Variants in FADS3 observed in about 807,000 individuals in gnomAD.
The protein encoded by FADS3 is fatty acid desaturase 3.
A neutral mutation model predicts 60.4 loss-of-function variants in FADS3; 30 were observed. The observed-to-expected ratio is 0.50, with a 90% CI of 0.37 to 0.67. The LOEUF is 0.67. Among genes scored for constraint, FADS3 ranks in the 30% least tolerant of loss-of-function variants. FADS3 has a pLI of 0.00. For missense variants in FADS3, 432 were observed against 598.3 expected (o/e 0.72, Z 2.90); for synonymous variants, 234 against 249.3 (o/e 0.94, Z 0.58).
rs369897424 is a variant in FADS3, at chr11:61,878,894, G to A, written c.523-47C>T. The A allele has an allele frequency of 6.6e-5, 104 of 1,567,070 alleles. No homozygotes were observed. The African/African-American group carries it at 1.1e-3, about 16-fold the overall frequency. ...GAAGCTGTTGGGAAGGACGGAGCCCGCCAGGGCCTGGGGCCCCAGTGAATC... is the reference window on the plus strand; with the variant it reads ...GAAGCTGTTGGGAAGGACGGAGCCCACCAGGGCCTGGGGCCCCAGTGAATC... On this transcript the variant is annotated intron_variant, in intron 3 of 11. Transcript: ENST00000278829.
rs765702151 is a variant in FADS3 at position 61,879,488 on chromosome 11, G to C, written c.346C>G (p.Arg116Gly). The C allele has an allele frequency of 3.1e-6, 5 of 1,590,954 alleles. No homozygotes were observed. The change falls in exon 3 of 12, where the codon CGA becomes GGA. Residue 116 changes from arginine to glycine, a missense_variant. By Grantham distance (125) the Arg-to-Gly change is moderately radical. Transcript: ENST00000278829. Reference sequence around the variant, plus strand: ...TCCTCGGCTGCCTGGTGCAGGGCTCGGAAGTCCTCGACCAGCTGCGCCTGC... The same window carrying C: ...TCCTCGGCTGCCTGGTGCAGGGCTCCGAAGTCCTCGACCAGCTGCGCCTGC... ...PLNAQLVEDF[R>G]ALHQAAEDMK...
chr11:61,886,903 G>A (rs1591201398), intron 1 of FADS3, among the ~76,000 whole-genome samples: 1 of 152,296 alleles, frequency 6.6e-6, no homozygotes, highest in East Asian at 1.9e-4. Context: ...CCACCTAGAA[G>A]GAGGGTCCTA....
In FADS3 at chr11:61,891,190, G is replaced by T; in HGVS notation, c.192C>A (p.His64Gln). ...RHPGGSRLIG[H>Q]HGAEDATDAF... ...TTACCGTGGCGTCCTCAGCGCCGTG[G>T]TGGCCGATGAGGCGGCTGCCCCCTG... is the stretch of plus-strand genomic sequence containing the variant. Residue 64 changes from histidine to glutamine, a missense_variant, in exon 1 of 12, where the codon CAC becomes CAA. Physicochemically the swap from His to Gln is conservative, Grantham distance 24. Around this residue, in one of 5 missense-constraint regions of FADS3, gnomAD observed 167 missense variants for 188.8 expected, o/e 0.88. Transcript: ENST00000278829. 1 of 1,563,456 alleles carries T rather than the reference G, an allele frequency of 6.4e-7. No homozygotes were observed. Among genetic ancestry groups the T allele is most frequent in the Non-Finnish European group, 8.7e-7 (1 of 1,154,100 alleles).
chr11:61,887,833 A>G (rs1000778), intron 1 of FADS3, among the ~76,000 whole-genome samples: 90,839 of 152,124 alleles, frequency 0.6, 30,179 homozygotes, highest in Non-Finnish European at 0.75. Flanking sequence ...GCATGCCCTT[A>G]AGAACATGGC....
intron 1 of FADS3, among the ~76,000 whole-genome samples, chr11:61,888,812 C>G (rs1004033740): frequency 6.6e-6 from 1 of 152,180 alleles, no homozygotes; most frequent in Non-Finnish European, 1.5e-5. Flanking sequence ...AACTGGGGCA[C>G]AGAGGAGTGA....
chr11:61,877,240 C>T lies in FADS3; in HGVS notation c.885+271G>A. 1 of 513,300 alleles carries T rather than the reference C, an allele frequency of 1.9e-6. No individual in the cohort carries two copies. Among genetic ancestry groups the T allele is most frequent in the Non-Finnish European group, 3.5e-6 (1 of 284,296 alleles). The allele number at this position is 513,300 out of a possible 1,614,324, so 31.8% of individuals were successfully genotyped here. ...ACACAGATGCCTGGCAGAGTCAGCC[C>T]AGCAACTCCTCCTGGGAAGACACCC... On this transcript the variant is annotated intron_variant, in intron 7 of 11. Transcript: ENST00000278829. This position sits in a 1 kb window ranked among gnomAD's most constrained non-coding sequence, Gnocchi z 4.7.
At chr11:61,874,074 C>T (rs763045708) in intron 11 of FADS3, among the ~76,000 whole-genome samples, 23 of 152,290 alleles carry the variant, frequency 1.5e-4, no homozygotes, top group African/African-American at 3.6e-4. Context: ...ACCGGGGTGA[C>T]GGGTGTCGGG....
In FADS3 at chr11:61,883,151, C is replaced by G. The variant is rs142801585; in HGVS notation, c.214-3000G>C. Among the ~76,000 whole-genome samples, 534 of 152,322 alleles carry G rather than the reference C, an allele frequency of 3.5e-3. 5 individuals carry two copies. Among genetic ancestry groups the G allele is most frequent in the African/African-American group, 0.012 (505 of 41,550 alleles). Reference sequence around the variant, plus strand: ...GTCCAACCATCACCATCATCCAGCTCCAGAACCTTTTCACCTTCCCCAACT... The same window carrying G: ...GTCCAACCATCACCATCATCCAGCTGCAGAACCTTTTCACCTTCCCCAACT... On this transcript the variant is annotated intron_variant, in intron 1 of 11. Transcript: ENST00000278829.
chr11:61,888,240 G>A (rs1938379044), intron 1 of FADS3, among the ~76,000 whole-genome samples: 1 of 152,246 alleles, frequency 6.6e-6, no homozygotes, highest in African/African-American at 2.4e-5. Context: ...CTGGCAGGAA[G>A]GCTTCATTGC....
chr11:61,878,297 G>T, intron 5 of FADS3, 82 bp from the exon 6 acceptor site: 2 of 1,496,072 alleles, frequency 1.3e-6, no homozygotes, highest in Non-Finnish European at 1.9e-6. Context: ...GCTGGCTGGG[G>T]CCAAGGGTCA....
In FADS3 at chr11:61,878,766, A is replaced by G. The variant is rs1361252960; in HGVS notation, c.604T>C (p.Phe202Leu). 13 of 1,613,934 alleles carry G rather than the reference A, an allele frequency of 8.1e-6. No homozygotes were observed. Among genetic ancestry groups the G allele is most frequent in the Non-Finnish European group, 1.1e-5 (13 of 1,179,990 alleles). ...CTCACCTTTAGCTGCCCCATCACGAACTTCTGGGCCACGTGGTTCCACCAG... is the reference window on the plus strand; with the variant it reads ...CTCACCTTTAGCTGCCCCATCACGAGCTTCTGGGCCACGTGGTTCCACCAG... ...KSWWNHVAQKFVMGQLKGFSA... is the reference protein window; with the variant it reads ...KSWWNHVAQKLVMGQLKGFSA... The change falls in exon 4 of 12, where the codon TTC (phenylalanine) becomes CTC (leucine). Residue 202 changes from phenylalanine (F) to leucine (L), a missense_variant. Transcript: ENST00000278829.
chr11:61,883,829 C>G (rs1206429433), intron 1 of FADS3, among the ~76,000 whole-genome samples: 1 of 152,246 alleles, frequency 6.6e-6, no homozygotes, highest in Non-Finnish European at 1.5e-5. Flanking sequence ...GGCCTTCAAG[C>G]CAGATCTACC....
At chr11:61,878,450 T>C (rs577254441) in intron 5 of FADS3, 62 bp downstream of exon 5, 1 of 1,585,476 alleles carries the variant, frequency 6.3e-7, no homozygotes, top group Admixed American at 1.7e-5. Context: ...GGGGACCCAG[T>C]GCATTAGCTC....
intron 11 of FADS3, 32 bp downstream of exon 11, chr11:61,875,819 A>C: frequency 6.2e-7 from 1 of 1,605,606 alleles, no homozygotes. Context: ...TGGGGAAGCC[A>C]CCAGAACAGA....
chr11:61,879,036 T>C (rs1034235511), intron 3 of FADS3, among the ~76,000 whole-genome samples, 189 bp from the exon 4 acceptor site: 1 of 152,166 alleles, frequency 6.6e-6, no homozygotes, highest in Non-Finnish European at 1.5e-5. Context: ...CTCGTAAGTG[T>C]CATGAAGCTG....
At chr11:61,890,821 G>A (rs1458172688) in intron 1 of FADS3, among the ~76,000 whole-genome samples, 3 of 152,186 alleles carry the variant, frequency 2.0e-5, no homozygotes, top group Admixed American at 6.5e-5. Flanking sequence ...CTAGCACTCA[G>A]CAAGCACCCA....
At chr11:61,882,517 G>A (rs114232875) in intron 1 of FADS3, 2,767 of 151,890 alleles carry the variant, frequency 0.018, 77 homozygotes, top group African/African-American at 0.063. Flanking sequence ...AATCCTGGTC[G>A]TAAGTGATCC....
Position 61,876,077 on chromosome 11 carries a change from C to T in FADS3, c.1160+34G>A, listed in dbSNP as rs1424170399. ...AGGATCCCCTCCCAGGACCCCCTCC[C>T]CACCTCCCACTGGCCCCCAGCACCC... On this transcript the variant is annotated intron_variant, in intron 10 of 11. Transcript: ENST00000278829. This position sits in a 1 kb window ranked among gnomAD's most constrained non-coding sequence, Gnocchi z 5.7. The T allele has an allele frequency of 6.2e-7, 1 of 1,608,324 alleles. No homozygotes were observed. The highest frequency in any genetic ancestry group is 1.7e-5 in the Admixed American group (1 of 59,528).
Position 61,883,063 on chromosome 11 carries a change from A to C in FADS3, c.214-2912T>G, listed in dbSNP as rs574028500. Among the ~76,000 whole-genome samples the C allele has an allele frequency of 3.9e-5, 6 of 152,286 alleles. No homozygotes were observed. The East Asian group carries it at 1.2e-3, about 29-fold the overall frequency. On this transcript the variant is annotated intron_variant, in intron 1 of 11. Coordinates refer to ENST00000278829, the MANE Select transcript of FADS3 (RefSeq NM_021727.5). ...AAAAATTGTAGTAAAATATACATGA[A>C]ATTTACCATTGTAAGCATTTTTAGG...
Sources: gnomAD v4.1 joint callset for allele counts (sites outside exome capture counted in the v4.1 genomes callset) on GRCh38, gnomAD v4.1.1 for gene constraint, gnomAD v4.1.1 regional missense constraint, Gnocchi (gnomAD v3.1) non-coding constraint, MANE v1.5 for transcripts, NCBI Gene and HGNC (gene_info 2026-07-23, HGNC 2026-07-21) for gene names.